The following SAMMSON variants were observed in gnomAD, a reference collection of about 807,000 sequenced individuals.
The protein encoded by SAMMSON is long intergenic non-protein coding RNA 1212.
chr3:70,216,593 A>G (rs1372317658), intron 4 of SAMMSON, among the ~76,000 whole-genome samples: 1 of 152,140 alleles, frequency 6.6e-6, no homozygotes, highest in African/African-American at 2.4e-5. Context: ...CTATCTAGAT[A>G]GAGATTTTTT....
chr3:70,030,548 G>A (rs1377250746), intron 3 of SAMMSON: 2 of 152,152 alleles, frequency 1.3e-5, no homozygotes, highest in Non-Finnish European at 2.9e-5. Context: ...TCTGACATCA[G>A]TATCCTGAGG....
intron 4 of SAMMSON, among the ~76,000 whole-genome samples, chr3:70,219,100 C>T (rs1373386345): frequency 2.0e-5 from 3 of 152,154 alleles, no homozygotes; most frequent in Non-Finnish European, 4.4e-5. Context: ...ATAGTCAAGG[C>T]TTTCAAGTTT....
intron 2 of SAMMSON, among the ~76,000 whole-genome samples, chr3:70,427,218 C>G (rs1432094612): frequency 6.6e-6 from 1 of 152,170 alleles, no homozygotes; most frequent in Admixed American, 6.5e-5. Context: ...CAACGGTAGA[C>G]AGGATTTTCT....
At chr3:70,133,353 T>G (rs12631795) in intron 4 of SAMMSON, among the ~76,000 whole-genome samples, 18,714 of 152,206 alleles carry the variant, frequency 0.12, 1,198 homozygotes, top group South Asian at 0.22. Flanking sequence ...GCTGAACACA[T>G]GCAGGATGAC....
intron 4 of SAMMSON, among the ~76,000 whole-genome samples, chr3:70,179,311 C>T (rs1376599254): frequency 6.6e-6 from 1 of 152,150 alleles, no homozygotes; most frequent in African/African-American, 2.4e-5. Flanking sequence ...GGCACTTCTA[C>T]ATTTCTTGGA....
intron 4 of SAMMSON, among the ~76,000 whole-genome samples, chr3:70,209,260 C>T (rs1228844119): frequency 2.0e-5 from 3 of 151,906 alleles, no homozygotes; most frequent in Non-Finnish European, 2.9e-5. Flanking sequence ...GTCTTTTATC[C>T]ACTAGATGCT....
At chr3:70,374,588 G>A (rs894981463) in intron 9 of SAMMSON, among the ~76,000 whole-genome samples, 7 of 152,088 alleles carry the variant, frequency 4.6e-5, no homozygotes, top group Non-Finnish European at 7.4e-5. Context: ...ATACTGCCTT[G>A]GTTGGGAAGG....
At chr3:70,296,039 A>G (rs1702286676) in intron 7 of SAMMSON, among the ~76,000 whole-genome samples, 1 of 152,222 alleles carries the variant, frequency 6.6e-6, no homozygotes, top group African/African-American at 2.4e-5. Flanking sequence ...CTTGTGAAAG[A>G]CATCACCAGG....
At chr3:70,315,156 G>A (rs1702486774) in intron 7 of SAMMSON, among the ~76,000 whole-genome samples, 1 of 152,184 alleles carries the variant, frequency 6.6e-6, no homozygotes, top group Non-Finnish European at 1.5e-5. Flanking sequence ...TATGAAGATA[G>A]TGTGGTGACT....
chr3:70,021,132 T>G (rs912834201), intron 3 of SAMMSON, among the ~76,000 whole-genome samples: 1 of 152,028 alleles, frequency 6.6e-6, no homozygotes, highest in African/African-American at 2.4e-5. Context: ...AAACATTCCC[T>G]GTGTGTGTGT....
At chr3:70,273,352 C>T (rs527320186) in intron 6 of SAMMSON, among the ~76,000 whole-genome samples, 34 of 152,026 alleles carry the variant, frequency 2.2e-4, no homozygotes, top group South Asian at 8.3e-4. Flanking sequence ...CTTTTTTCTT[C>T]GTAAAAATGA....
chr3:70,376,840 A>C (rs1703020890), intron 9 of SAMMSON, among the ~76,000 whole-genome samples: 1 of 152,172 alleles, frequency 6.6e-6, no homozygotes, highest in Non-Finnish European at 1.5e-5. Flanking sequence ...TGTACATTTT[A>C]ACTTAACTGG....
intron 6 of SAMMSON, among the ~76,000 whole-genome samples, chr3:70,289,251 C>A (rs1308308233): frequency 1.3e-5 from 2 of 149,654 alleles, no homozygotes; most frequent in African/African-American, 4.9e-5. Flanking sequence ...TTAGGGCAGG[C>A]CTGGTGGTGA....
At chr3:70,136,110 C>A (rs1192989106) in intron 4 of SAMMSON, among the ~76,000 whole-genome samples, 1 of 152,054 alleles carries the variant, frequency 6.6e-6, no homozygotes, top group African/African-American at 2.4e-5. Flanking sequence ...GATTTAAGGC[C>A]ATGCCCATAG....
At chr3:70,136,588 T>C (rs2067506711) in intron 4 of SAMMSON, among the ~76,000 whole-genome samples, 3 of 152,226 alleles carry the variant, frequency 2.0e-5, no homozygotes, top group Admixed American at 2.0e-4. Context: ...ACAGAAACTG[T>C]GTGAGATAGT....
chr3:70,184,277 A>G (rs1701075459), intron 4 of SAMMSON: 1 of 152,230 alleles, frequency 6.6e-6, no homozygotes, highest in Non-Finnish European at 1.5e-5. Context: ...TAACATATAT[A>G]GACAGGTTTG....
In SAMMSON at chr3:70,003,443, TATCTC is replaced by T. The variant is rs1357762348; in HGVS notation, n.22+3579_22+3583del. ...ATAAATTTTATTGAAGAGTTTTTCT[TATCTC>T]ATGCTTTGCTCTAGGAGTTTGAAAG... On this transcript the variant is annotated intron_variant and non_coding_transcript_variant, in intron 1 of 9. Coordinates refer to ENST00000642114, the Ensembl canonical transcript of SAMMSON. Among the ~76,000 whole-genome samples, 9 of 152,070 alleles carry T rather than the reference TATCTC, an allele frequency of 5.9e-5. No individual in the cohort carries two copies. In the East Asian group the frequency reaches 1.5e-3, roughly 26 times the overall value.
intron 4 of SAMMSON, among the ~76,000 whole-genome samples, chr3:70,237,831 C>T (rs1701625158): frequency 6.6e-6 from 1 of 152,068 alleles, no homozygotes; most frequent in Non-Finnish European, 1.5e-5. Context: ...AGTATTTTTC[C>T]TTAAATATTG....
intron 4 of SAMMSON, among the ~76,000 whole-genome samples, chr3:70,194,282 C>T (rs1401848084): frequency 1.3e-5 from 2 of 152,110 alleles, no homozygotes; most frequent in Admixed American, 1.3e-4. Flanking sequence ...TGAGAAGTCC[C>T]ACCTTAAAGA....
Sources: gnomAD v4.1 joint callset for allele counts (sites outside exome capture counted in the v4.1 genomes callset) on GRCh38, gnomAD v4.1.1 for gene constraint, MANE v1.5 for transcripts, NCBI Gene and HGNC (gene_info 2026-07-23, HGNC 2026-07-21) for gene names.